EEPD1: variants seen among roughly 807,000 people sequenced by gnomAD.
EEPD1 encodes endonuclease/exonuclease/phosphatase family domain containing 1, also known as endonuclease/exonuclease/phosphatase family domain-containing protein 1.
EEPD1 carries 17 observed loss-of-function variants against 46.3 expected under a neutral mutation model. The ratio of observed to expected loss-of-function variants is 0.37; its 90% CI spans 0.25 to 0.55. The LOEUF (loss-of-function observed/expected upper bound fraction) is 0.55. Among genes scored for constraint, EEPD1 ranks in the 20% least tolerant of loss-of-function variants. The probability of loss-of-function intolerance (pLI) is 0.83; values close to 1 mark genes in which losing one functional copy is unlikely to be tolerated. For missense variants in EEPD1, 673 were observed against 745.6 expected, an observed-to-expected ratio of 0.90 and a Z score of 1.13; for synonymous variants, 313 against 315.6, an observed-to-expected ratio of 0.99 and a Z score of 0.09.
intron 2 of EEPD1, among the ~76,000 whole-genome samples, chr7:36,204,723 G>C (rs891374952): frequency 6.6e-6 from 1 of 152,132 alleles, no homozygotes; most frequent in African/African-American, 2.4e-5. Flanking sequence ...CACCTTCCTG[G>C]GTGCACCTCT....
At chr7:36,269,226 A>G (rs1787066782) in intron 3 of EEPD1, among the ~76,000 whole-genome samples, 1 of 152,250 alleles carries the variant, frequency 6.6e-6, no homozygotes, top group Non-Finnish European at 1.5e-5. Context: ...TGATGTCAAG[A>G]CAAATTCTCT....
chr7:36,263,835 G>T (rs1045533834), intron 3 of EEPD1, among the ~76,000 whole-genome samples: 2 of 152,114 alleles, frequency 1.3e-5, no homozygotes, highest in African/African-American at 4.8e-5. Flanking sequence ...GCTATGTATC[G>T]ATTGTTTTGT....
At position 36,301,036 on chromosome 7, in the gene EEPD1, C is replaced by T. The variant is rs1787615747; in HGVS notation, c.*1830C>T. ...TCCCCTACATTCACCAGCCGGATGTCCCAAATCCCTTTAGCCAGATTGCTT... is the reference window on the plus strand; with the variant it reads ...TCCCCTACATTCACCAGCCGGATGTTCCAAATCCCTTTAGCCAGATTGCTT... On this transcript the variant is annotated 3_prime_UTR_variant, in exon 8 of 8. Transcript: ENST00000242108. The T allele has an allele frequency of 6.6e-6, 1 of 152,258 alleles. No individual in the cohort carries two copies. Among genetic ancestry groups the T allele is most frequent in the South Asian group, 2.1e-4 (1 of 4,830 alleles). 9.4% of individuals were successfully genotyped at this position (152,258 alleles called of 1,614,324 possible). A position where few individuals can be genotyped will look rare whatever the true frequency, so the allele number is the denominator to read the frequency against.
chr7:36,197,289 T>TG (rs1261996532), intron 2 of EEPD1, among the ~76,000 whole-genome samples: 242 of 133,912 alleles, frequency 1.8e-3, no homozygotes, highest in Non-Finnish European at 2.9e-3. Context: ...GGGAGGGAGG[T>TG]GGGGGGGTCA....
chr7:36,277,819 C>T (rs1787203477), intron 3 of EEPD1, among the ~76,000 whole-genome samples: 2 of 151,086 alleles, frequency 1.3e-5, no homozygotes, highest in Admixed American at 6.6e-5. Context: ...GAAGGCAGAG[C>T]GAGGGGTCGG....
chr7:36,154,116 A>C lies in EEPD1; in HGVS notation c.-192-17A>C. ...CTTAATTCAATGGGTTTCTATGTTT[A>C]TTGATTTATTTTCTAGGCGGCCAAG... On this transcript the variant is annotated splice_polypyrimidine_tract_variant and intron_variant, in intron 1 of 7. Transcript: ENST00000242108. The surrounding 1 kb of genome is among the most constrained non-coding windows in gnomAD (Gnocchi z 4.2). 1.6e-6 allele frequency: 1 copy of C among 620,128 alleles called. No homozygotes were observed. The highest frequency in any genetic ancestry group is 2.8e-6 in the Non-Finnish European group (1 of 360,466). The allele number at this position is 620,128 out of a possible 1,614,324, so 38.4% of individuals were successfully genotyped here.
At chr7:36,202,711 G>C (rs573008671) in intron 2 of EEPD1, among the ~76,000 whole-genome samples, 2 of 152,076 alleles carry the variant, frequency 1.3e-5, no homozygotes, top group Non-Finnish European at 2.9e-5. Flanking sequence ...TATGTTTCTC[G>C]TTGTTTAATC....
At chr7:36,213,149 A>G (rs1345412244) in intron 2 of EEPD1, among the ~76,000 whole-genome samples, 1 of 152,060 alleles carries the variant, frequency 6.6e-6, no homozygotes, top group East Asian at 1.9e-4. Flanking sequence ...CAAGATTCCA[A>G]CTCCAAAAAA....
intron 3 of EEPD1, among the ~76,000 whole-genome samples, chr7:36,243,611 G>C (rs1786591397): frequency 6.6e-6 from 1 of 152,054 alleles, no homozygotes; most frequent in Non-Finnish European, 1.5e-5. Context: ...CAACAGTGGG[G>C]ACCTGCACAG....
chr7:36,291,018 C>G (rs759250365), intron 6 of EEPD1, among the ~76,000 whole-genome samples: 11 of 152,160 alleles, frequency 7.2e-5, no homozygotes, highest in Admixed American at 2.0e-4. Context: ...TGTGCTCATT[C>G]AAAAAGGGAA....
At chr7:36,295,052 C>A (rs909399542) in intron 6 of EEPD1, among the ~76,000 whole-genome samples, 1 of 152,068 alleles carries the variant, frequency 6.6e-6, no homozygotes, top group African/African-American at 2.4e-5. Context: ...GTGGTCCATA[C>A]CTGTAATCCC....
chr7:36,297,423 G>A (rs957801828), intron 7 of EEPD1, among the ~76,000 whole-genome samples: 9 of 152,090 alleles, frequency 5.9e-5, no homozygotes, highest in Non-Finnish European at 1.0e-4. Context: ...GTAACTATTC[G>A]TTAATTTTAT....
intron 3 of EEPD1, among the ~76,000 whole-genome samples, chr7:36,280,179 G>A (rs1787238112): frequency 2.0e-5 from 3 of 152,212 alleles, no homozygotes; most frequent in Non-Finnish European, 2.9e-5. Context: ...AGGTGGAGAT[G>A]CTAAGGAGGC....
At chr7:36,192,018 T>C (rs982342098) in intron 2 of EEPD1, among the ~76,000 whole-genome samples, 22 of 152,148 alleles carry the variant, frequency 1.4e-4, no homozygotes, top group Admixed American at 8.5e-4. Context: ...CGAGACTCTT[T>C]CCGCGTTGTC....
chr7:36,238,329 T>A (rs1301698446), intron 2 of EEPD1, among the ~76,000 whole-genome samples: 1 of 152,222 alleles, frequency 6.6e-6, no homozygotes, highest in Non-Finnish European at 1.5e-5. Context: ...ACCCTGTGAC[T>A]TAATGCCTAA....
At position 36,201,486 on chromosome 7, in the gene EEPD1, A is replaced by G. The variant is rs567531982; in HGVS notation, c.879-37499A>G. Among the ~76,000 whole-genome samples, 10 of 152,288 alleles carry G rather than the reference A, an allele frequency of 6.6e-5. No homozygotes were observed. The South Asian group carries it at 1.7e-3, about 25-fold the overall frequency. On this transcript the variant is annotated intron_variant, in intron 2 of 7. Coordinates refer to ENST00000242108, the MANE Select transcript of EEPD1 (RefSeq NM_030636.3). ...GGACTAGGTTCGAAACTTGTTTCTG[A>G]TGACTATCAGCTGAGTGACTCGGGG... is the stretch of plus-strand genomic sequence containing the variant.
intron 2 of EEPD1, among the ~76,000 whole-genome samples, chr7:36,164,083 G>A (rs1784943787): frequency 6.6e-6 from 1 of 152,142 alleles, no homozygotes; most frequent in South Asian, 2.1e-4. Context: ...TTGTCTTAGT[G>A]TTTGTCTTTT....
intron 2 of EEPD1, among the ~76,000 whole-genome samples, chr7:36,204,198 C>A (rs1340453561): frequency 6.6e-6 from 1 of 151,520 alleles, no homozygotes; most frequent in Admixed American, 6.6e-5. Flanking sequence ...CCACACCCAG[C>A]CAATTAAAAA....
At chr7:36,204,926 C>A (rs1489761860) in intron 2 of EEPD1, among the ~76,000 whole-genome samples, 1 of 152,154 alleles carries the variant, frequency 6.6e-6, no homozygotes, top group African/African-American at 2.4e-5. Flanking sequence ...TAAATTATGG[C>A]CACTGCCTTC....
Sources: gnomAD v4.1 joint callset for allele counts (sites outside exome capture counted in the v4.1 genomes callset) on GRCh38, gnomAD v4.1.1 for gene constraint, Gnocchi (gnomAD v3.1) non-coding constraint, MANE v1.5 for transcripts, NCBI Gene and HGNC (gene_info 2026-07-23, HGNC 2026-07-21) for gene names.